DPP6: variants seen among roughly 807,000 people sequenced by gnomAD.
DPP6 encodes A-type potassium channel modulatory protein DPP6.
DPP6 carries 69 observed loss-of-function variants against 122.6 expected under a neutral mutation model. The observed-to-expected ratio is 0.56, with a 90% CI of 0.46 to 0.69. The LOEUF is 0.69. Among genes scored for constraint, DPP6 ranks in the 30% least tolerant of loss-of-function variants. DPP6 has a pLI of 0.00. For synonymous variants in DPP6, 418 were observed against 433.1 expected, an observed-to-expected ratio of 0.97 and a Z score of 0.43; for missense variants, 928 against 1,116.9, an observed-to-expected ratio of 0.83 and a Z score of 2.41.
the DPP6 span, among the ~76,000 whole-genome samples, chr7:153,843,775 A>G: frequency 1.3e-5 from 2 of 152,218 alleles, no homozygotes; most frequent in African/African-American, 4.8e-5. Flanking sequence ...CAGTCTTTCC[A>G]TAACCTATGA....
chr7:154,063,060 G>T (rs1157689748), intron 1 of DPP6, among the ~76,000 whole-genome samples: 6 of 131,332 alleles, frequency 4.6e-5, no homozygotes, highest in African/African-American at 1.6e-4. Context: ...CCCCACGAGA[G>T]TGGGGACTGA....
Position 154,807,101 on chromosome 7 carries a change from T to G in DPP6, c.1655T>G (p.Leu552Arg). 1 of 1,612,944 alleles carries G rather than the reference T, an allele frequency of 6.2e-7. No individual in the cohort carries two copies. The highest frequency in any genetic ancestry group is 8.5e-7 in the Non-Finnish European group (1 of 1,179,772). ...SFSHSMDFFL[L>R]KCEGPGVPMV... Reference sequence around the variant, plus strand: ...AGCCATAGCATGGACTTCTTCCTGCTCAAGTGCGAAGGTCAGCTCCTGCCA... The same window carrying G: ...AGCCATAGCATGGACTTCTTCCTGCGCAAGTGCGAAGGTCAGCTCCTGCCA... Residue 552 changes from leucine to arginine, a missense_variant, in exon 16 of 26, where the codon CTC becomes CGC. Leu to Arg is a moderately radical substitution (Grantham distance 102, BLOSUM62 -2). Coordinates refer to ENST00000377770, the MANE Select transcript of DPP6 (RefSeq NM_130797.4).
At chr7:154,562,212 T>C (rs1830466518) in intron 4 of DPP6, among the ~76,000 whole-genome samples, 1 of 152,086 alleles carries the variant, frequency 6.6e-6, no homozygotes, top group African/African-American at 2.4e-5. Context: ...ATTAGCAAAT[T>C]GAGTCCAACA....
rs1220898081 is a variant in DPP6 at position 154,801,503 on chromosome 7, C to T, written c.1407+41C>T. 3 of 1,528,112 alleles carry T rather than the reference C, an allele frequency of 2.0e-6. No individual in the cohort carries two copies. In the South Asian group the frequency reaches 3.7e-5, roughly 19 times the overall value. 94.7% of individuals were successfully genotyped at this position (1,528,112 alleles called of 1,614,324 possible). ...TTCCGGAGCTGAACTAGAAACTGGC[C>T]TGCTAGAGGCCGTGGGGTGACAGCC... On this transcript the variant is annotated intron_variant, in intron 13 of 25. Coordinates refer to ENST00000377770, the MANE Select transcript of DPP6 (RefSeq NM_130797.4).
the DPP6 span, among the ~76,000 whole-genome samples, chr7:153,818,912 T>C: frequency 1.3e-5 from 2 of 151,734 alleles, no homozygotes; most frequent in Non-Finnish European, 2.9e-5. Context: ...CCACCACGCT[T>C]GGCTAATTTT....
intron 1 of DPP6, chr7:154,092,807 C>G (rs1187833828): frequency 6.6e-6 from 1 of 152,036 alleles, no homozygotes; most frequent in Non-Finnish European, 1.5e-5. Context: ...TTTTCACCTC[C>G]TAGTTTGGGC....
At chr7:153,756,998 C>A in the DPP6 span, among the ~76,000 whole-genome samples, 1 of 152,034 alleles carries the variant, frequency 6.6e-6, no homozygotes, top group Admixed American at 6.6e-5. Context: ...AGTTATACCT[C>A]AAATGCAGTA....
intron 1 of DPP6, among the ~76,000 whole-genome samples, chr7:154,284,716 G>A (rs1017869228): frequency 4.6e-5 from 7 of 152,138 alleles, no homozygotes; most frequent in East Asian, 1.9e-4. Flanking sequence ...TTAGCCGGGC[G>A]TGGTGGTGTG....
intron 3 of DPP6, among the ~76,000 whole-genome samples, chr7:154,502,748 A>T (rs1825358332): frequency 6.6e-6 from 1 of 152,206 alleles, no homozygotes; most frequent in Admixed American, 6.5e-5. Context: ...ATTATATTGA[A>T]TGTCAGGTAA....
chr7:154,127,459 A>T (rs1161732581), intron 1 of DPP6, among the ~76,000 whole-genome samples: 1 of 152,112 alleles, frequency 6.6e-6, no homozygotes, highest in Non-Finnish European at 1.5e-5. Flanking sequence ...GGCCCTCACT[A>T]ACTTGGAGCT....
chr7:154,484,670 T>G (rs900704659), intron 3 of DPP6, among the ~76,000 whole-genome samples: 14 of 152,192 alleles, frequency 9.2e-5, no homozygotes, highest in African/African-American at 3.4e-4. Context: ...ATAGACCATG[T>G]GGCTGGCACC....
chr7:154,210,610 A>C (rs1200017722), intron 1 of DPP6, among the ~76,000 whole-genome samples: 1 of 152,172 alleles, frequency 6.6e-6, no homozygotes, highest in Non-Finnish European at 1.5e-5. Flanking sequence ...GGCAAATAGA[A>C]GACACAGTCA....
chr7:153,991,072 G>T (rs2129042315), intron 1 of DPP6, among the ~76,000 whole-genome samples: 1 of 152,284 alleles, frequency 6.6e-6, no homozygotes, highest in Non-Finnish European at 1.5e-5. Flanking sequence ...CAAGGTGTTT[G>T]GAAGCAAATG....
rs1483152418 is a variant in DPP6 at position 154,148,989 on chromosome 7, G to A, written c.243+95926G>A. On this transcript the variant is annotated intron_variant, in intron 1 of 25. Coordinates refer to ENST00000377770, the MANE Select transcript of DPP6 (RefSeq NM_130797.4). ...ACGAGGATGCCTGTAGCAGATGGGG[G>A]TTTAGCTAGAAAGCAGGAGGCAGTG... Among the ~76,000 whole-genome samples the A allele has an allele frequency of 1.6e-4, 25 of 152,318 alleles. No homozygotes were observed. The South Asian group carries it at 5.0e-3, about 30-fold the overall frequency.
At chr7:154,058,182 G>C (rs1385527229) in intron 1 of DPP6, 1 of 148,628 alleles carries the variant, frequency 6.7e-6, no homozygotes, top group East Asian at 2.0e-4. Context: ...ATCCCCGCGA[G>C]GCGGGGACTG....
At chr7:154,172,126 C>T (rs1005973438) in intron 1 of DPP6, among the ~76,000 whole-genome samples, 1 of 133,836 alleles carries the variant, frequency 7.5e-6, no homozygotes, top group African/African-American at 2.9e-5. Flanking sequence ...TTCTGTGCCC[C>T]TCCCTCCCTT....
At chr7:154,669,325 T>C (rs1328855701) in intron 6 of DPP6, 35 bp from the exon 7 acceptor site, 3 of 1,551,604 alleles carry the variant, frequency 1.9e-6, no homozygotes, top group Admixed American at 3.9e-5. Context: ...TTCCCAACAT[T>C]TTGCTTTGTT....
chr7:154,608,503 T>C (rs573429648), intron 5 of DPP6, among the ~76,000 whole-genome samples: 1 of 148,314 alleles, frequency 6.7e-6, no homozygotes, highest in East Asian at 2.0e-4. Context: ...AATTTTTTTT[T>C]TTTTTGTATT....
chr7:154,305,129 C>G, intron 1 of DPP6: 1 of 567,320 alleles, frequency 1.8e-6, no homozygotes, highest in Non-Finnish European at 2.2e-6. Context: ...GGCGCCGGGC[C>G]GGGAGGCGGG....
Sources: allele counts gnomAD v4.1 joint callset (sites outside exome capture counted in the v4.1 genomes callset), GRCh38; gene constraint gnomAD v4.1.1; transcripts MANE v1.5; gene names NCBI Gene and HGNC (gene_info 2026-07-23, HGNC 2026-07-21).